The following TMEM272 variants were observed in gnomAD, a reference collection of about 807,000 sequenced individuals.
TMEM272 encodes transmembrane protein 272.
Under a neutral mutation model 3.7 loss-of-function variants are expected in TMEM272, and 8 were observed. That is an observed-to-expected ratio of 2.17 (90% confidence interval 1.27 to 3.91). The LOEUF (loss-of-function observed/expected upper bound fraction) is 3.91. Among genes scored for constraint, TMEM272 ranks in the 30% most tolerant of loss-of-function variants. TMEM272 has a pLI of 0.00. For synonymous variants in TMEM272, 63 were observed against 39.8 expected, an observed-to-expected ratio of 1.58 and a Z score of -2.20; for missense variants, 166 against 91.5, an observed-to-expected ratio of 1.81 and a Z score of -3.32.
At chr13:51,889,612 C>T in the TMEM272 span, among the ~76,000 whole-genome samples, 5 of 151,550 alleles carry the variant, frequency 3.3e-5, no homozygotes, top group African/African-American at 9.7e-5. Context: ...CCACCCAATC[C>T]GATTTGTTTT....
chr13:51,844,198 A>C (rs189394313), intron 1 of TMEM272, among the ~76,000 whole-genome samples: 46 of 152,306 alleles, frequency 3.0e-4, no homozygotes, highest in African/African-American at 1.1e-3. Context: ...AATCAACAGT[A>C]AACATATATA....
the TMEM272 span, among the ~76,000 whole-genome samples, chr13:51,882,335 GA>G: frequency 6.6e-6 from 1 of 152,212 alleles, no homozygotes; most frequent in Non-Finnish European, 1.5e-5. Flanking sequence ...CCTACTGAAA[GA>G]AAAGCTGTAT....
At chr13:51,832,881 G>A (rs1956184822) in intron 2 of TMEM272, among the ~76,000 whole-genome samples, 1 of 152,172 alleles carries the variant, frequency 6.6e-6, no homozygotes, top group Admixed American at 6.5e-5. Flanking sequence ...GAGAAGCCTC[G>A]GCAATGCGGA....
chr13:51,881,602 C>CA, the TMEM272 span, among the ~76,000 whole-genome samples: 2 of 152,074 alleles, frequency 1.3e-5, no homozygotes, highest in South Asian at 4.1e-4. Flanking sequence ...TCCTAATTCC[C>CA]AAGGTAATCT....
the TMEM272 span, among the ~76,000 whole-genome samples, chr13:51,871,766 A>G: frequency 4.6e-5 from 7 of 150,708 alleles, no homozygotes; most frequent in African/African-American, 1.7e-4. Flanking sequence ...TTATGCAAAA[A>G]TAGATAATAA....
chr13:51,886,790 C>T, the TMEM272 span, among the ~76,000 whole-genome samples: 1 of 152,050 alleles, frequency 6.6e-6, no homozygotes, highest in African/African-American at 2.4e-5. Flanking sequence ...AAACTAAAAC[C>T]AAATATATTT....
the TMEM272 span, among the ~76,000 whole-genome samples, chr13:51,885,114 T>C: frequency 6.6e-6 from 1 of 152,184 alleles, no homozygotes; most frequent in African/African-American, 2.4e-5. Flanking sequence ...TTCTGTCCAA[T>C]AAGATGTGAA....
the TMEM272 span, among the ~76,000 whole-genome samples, chr13:51,901,525 GA>G: frequency 3.6e-5 from 5 of 138,062 alleles, no homozygotes; most frequent in African/African-American, 1.3e-4. Flanking sequence ...AGTCAAAAAT[GA>G]AGAAGAATCC....
the TMEM272 span, among the ~76,000 whole-genome samples, chr13:51,893,264 G>A: frequency 1.3e-5 from 2 of 152,220 alleles, no homozygotes; most frequent in African/African-American, 4.8e-5. Flanking sequence ...TTAGGAGAGA[G>A]CTTAAATTAT....
At chr13:51,883,593 T>C in the TMEM272 span, among the ~76,000 whole-genome samples, 3 of 152,144 alleles carry the variant, frequency 2.0e-5, no homozygotes, top group African/African-American at 7.2e-5. Context: ...TTCAATTGGT[T>C]AAAAGGCATC....
chr13:51,924,184 C>T, the TMEM272 span, among the ~76,000 whole-genome samples: 2 of 152,198 alleles, frequency 1.3e-5, no homozygotes, highest in African/African-American at 4.8e-5. Flanking sequence ...TGGTGGCCTT[C>T]TAGAGGTTGG....
intron 3 of TMEM272, among the ~76,000 whole-genome samples, chr13:51,825,177 T>C (rs1956113408): frequency 6.6e-6 from 1 of 152,220 alleles, no homozygotes; most frequent in Non-Finnish European, 1.5e-5. Flanking sequence ...CTGAAGTGAT[T>C]GAATTGTTCA....
the TMEM272 span, among the ~76,000 whole-genome samples, chr13:51,858,721 C>T: frequency 0.015 from 2,335 of 152,188 alleles, 51 homozygotes; most frequent in Admixed American, 0.068. Context: ...GTAAGAAAAA[C>T]GAAATTTATT....
chr13:51,881,990 C>T, the TMEM272 span, among the ~76,000 whole-genome samples: 1 of 152,122 alleles, frequency 6.6e-6, no homozygotes, highest in Admixed American at 6.5e-5. Flanking sequence ...AATCTATTTT[C>T]TATGGTGTGA....
chr13:51,821,573 AG>A (rs1405077513), intron 4 of TMEM272, among the ~76,000 whole-genome samples: 2 of 151,970 alleles, frequency 1.3e-5, no homozygotes, highest in African/African-American at 4.8e-5. Flanking sequence ...ATTGAGAACT[AG>A]GAAGTATAGT....
chr13:51,908,154 T>C, the TMEM272 span: 1 of 569,744 alleles, frequency 1.8e-6, no homozygotes, highest in Non-Finnish European at 3.3e-6. Flanking sequence ...GTAACAGCAG[T>C]TACTTCAACT....
chr13:51,876,001 G>A, the TMEM272 span, among the ~76,000 whole-genome samples: 1 of 152,198 alleles, frequency 6.6e-6, no homozygotes, highest in Non-Finnish European at 1.5e-5. Flanking sequence ...CCTCTGGTCT[G>A]CTAGGTTTCC....
chr13:51,930,470 T>A, the TMEM272 span: 2 of 152,164 alleles, frequency 1.3e-5, no homozygotes, highest in Non-Finnish European at 2.9e-5. Context: ...CTGCCCAAGG[T>A]GAGTTTGAAA....
chr13:51,914,782 A>C, the TMEM272 span, among the ~76,000 whole-genome samples: 1 of 152,210 alleles, frequency 6.6e-6, no homozygotes, highest in Non-Finnish European at 1.5e-5. Flanking sequence ...CAGAATCTGA[A>C]CTTTAACAAG....
Sources: allele counts gnomAD v4.1 joint callset (sites outside exome capture counted in the v4.1 genomes callset), GRCh38; gene constraint gnomAD v4.1.1; transcripts MANE v1.5; gene names NCBI Gene and HGNC (gene_info 2026-07-23, HGNC 2026-07-21).